The following DRC8 variants were observed in gnomAD, a reference collection of about 807,000 sequenced individuals.
DRC8 encodes dynein regulatory complex protein 8.
chr1:244,979,237 A>G, the DRC8 span, among the ~76,000 whole-genome samples: 1 of 139,274 alleles, frequency 7.2e-6, no homozygotes, highest in Non-Finnish European at 1.5e-5. Flanking sequence ...ATAGCTCAGT[A>G]TTTGCTGAAT....
the DRC8 span, among the ~76,000 whole-genome samples, chr1:245,041,344 A>G: frequency 2.0e-5 from 3 of 152,230 alleles, no homozygotes; most frequent in South Asian, 4.1e-4. Flanking sequence ...GCAGTTGATC[A>G]GGAAGAAGTT....
the DRC8 span, among the ~76,000 whole-genome samples, chr1:245,029,934 T>A: frequency 1.3e-5 from 2 of 152,236 alleles, no homozygotes; most frequent in South Asian, 2.1e-4. Flanking sequence ...AGTGCAAATT[T>A]TGCTGTATGA....
the DRC8 span, among the ~76,000 whole-genome samples, chr1:245,105,118 TCA>T: frequency 6.6e-6 from 1 of 152,208 alleles, no homozygotes; most frequent in Non-Finnish European, 1.5e-5. Flanking sequence ...AATGTCAAGT[TCA>T]GTTTTGTTTT....
chr1:245,069,868 C>T, the DRC8 span, among the ~76,000 whole-genome samples: 4 of 152,036 alleles, frequency 2.6e-5, no homozygotes, highest in Non-Finnish European at 5.9e-5. Context: ...ATTGTGAGAC[C>T]CTGTCTCTAC....
chr1:245,122,902 C>T, the DRC8 span: 1 of 152,240 alleles, frequency 6.6e-6, no homozygotes, highest in Non-Finnish European at 1.5e-5. Flanking sequence ...TTCCCCTTCC[C>T]CCACCGTCAT....
At chr1:244,979,180 C>A in the DRC8 span, among the ~76,000 whole-genome samples, 1 of 151,582 alleles carries the variant, frequency 6.6e-6, no homozygotes, top group East Asian at 1.9e-4. Context: ...CTCTTAACTT[C>A]CAAAAGGATA....
the DRC8 span, among the ~76,000 whole-genome samples, chr1:245,037,998 T>C: frequency 2.0e-5 from 3 of 152,190 alleles, no homozygotes; most frequent in South Asian, 2.1e-4. Flanking sequence ...CAAATAGACA[T>C]ACCATGTTGT....
the DRC8 span, among the ~76,000 whole-genome samples, chr1:244,989,602 C>T: frequency 2.0e-5 from 3 of 152,122 alleles, no homozygotes; most frequent in Admixed American, 6.6e-5. Context: ...TAGCCTCGAT[C>T]GCCTGGCTGA....
At chr1:245,065,665 C>A in the DRC8 span, among the ~76,000 whole-genome samples, 2 of 152,172 alleles carry the variant, frequency 1.3e-5, no homozygotes, top group Admixed American at 6.5e-5. Context: ...GTCTGATAAA[C>A]CTTGGCTGTC....
chr1:245,069,245 GTATGT>G, the DRC8 span, among the ~76,000 whole-genome samples: 8 of 152,124 alleles, frequency 5.3e-5, no homozygotes, highest in Admixed American at 3.9e-4. Flanking sequence ...CAAAGATTTT[GTATGT>G]TATATGTATT....
the DRC8 span, chr1:245,122,381 G>A: frequency 1.3e-5 from 2 of 153,932 alleles, no homozygotes; most frequent in African/African-American, 4.8e-5. Flanking sequence ...ACAGCACACA[G>A]TTTAAATTTT....
chr1:245,079,848 G>A, the DRC8 span, among the ~76,000 whole-genome samples: 6 of 152,152 alleles, frequency 3.9e-5, no homozygotes, highest in Non-Finnish European at 8.8e-5. Flanking sequence ...GTATTTGCCC[G>A]GGGCTCCTGA....
At chr1:244,985,405 G>T in the DRC8 span, among the ~76,000 whole-genome samples, 369 of 152,334 alleles carry the variant, frequency 2.4e-3, 4 homozygotes, top group African/African-American at 8.7e-3. Flanking sequence ...TGTCCCATGT[G>T]GTGGTAAAGG....
At chr1:244,973,439 A>G in the DRC8 span, among the ~76,000 whole-genome samples, 4 of 152,254 alleles carry the variant, frequency 2.6e-5, no homozygotes, top group Non-Finnish European at 4.4e-5. Flanking sequence ...TAGGTAATCA[A>G]TAAATATTTG....
chr1:245,075,532 A>G, the DRC8 span: 3 of 152,234 alleles, frequency 2.0e-5, no homozygotes, highest in Non-Finnish European at 4.4e-5. Flanking sequence ...TGAAGGCAGT[A>G]TATTTTCTTC....
At chr1:245,082,105 G>T in the DRC8 span, 10 of 1,612,278 alleles carry the variant, frequency 6.2e-6, no homozygotes, top group Non-Finnish European at 8.5e-6. Context: ...GAACCCACTG[G>T]ATACATTCGA....
chr1:245,061,119 A>C, the DRC8 span, among the ~76,000 whole-genome samples: 2 of 152,174 alleles, frequency 1.3e-5, no homozygotes, highest in East Asian at 3.8e-4. Context: ...CTGAGTTCAA[A>C]CTCCACAGCT....
the DRC8 span, among the ~76,000 whole-genome samples, chr1:244,974,228 T>C: frequency 1.3e-5 from 2 of 152,340 alleles, no homozygotes; most frequent in African/African-American, 2.4e-5. Context: ...TTAAATCTTA[T>C]TGTTTCTGTC....
At chr1:245,022,357 T>G in the DRC8 span, among the ~76,000 whole-genome samples, 1 of 150,844 alleles carries the variant, frequency 6.6e-6, no homozygotes, top group East Asian at 1.9e-4. Context: ...AGAGACAGGG[T>G]TTTGCCATGA....
Sources: allele counts gnomAD v4.1 joint callset (sites outside exome capture counted in the v4.1 genomes callset), GRCh38; gene constraint gnomAD v4.1.1; transcripts MANE v1.5; gene names NCBI Gene and HGNC (gene_info 2026-07-23, HGNC 2026-07-21).